Variants in BANP observed in about 807,000 individuals in gnomAD.
The protein encoded by BANP is protein BANP.
A neutral mutation model predicts 68.1 loss-of-function variants in BANP; 11 were observed. The ratio of observed to expected loss-of-function variants is 0.16; its 90% CI spans 0.10 to 0.27. The LOEUF (loss-of-function observed/expected upper bound fraction) is 0.27. Ranked by LOEUF, BANP falls within the 10% of genes least tolerant of loss-of-function variation. The pLI, the probability that BANP is intolerant of heterozygous loss-of-function variation, is 1.00. For missense variants in BANP, 504 were observed against 722.7 expected, an observed-to-expected ratio of 0.70 and a Z score of 3.47; for synonymous variants, 329 against 303.2, an observed-to-expected ratio of 1.09 and a Z score of -0.88.
At position 88,027,450 on chromosome 16, in the gene BANP, C is replaced by A. The variant is rs779222103; in HGVS notation, c.896-33C>A. ...GCTCCTGGTGGCTGTCCCGAACAGG[C>A]CTCACCGCTTCTCCTTGGATGTGTC... On this transcript the variant is annotated intron_variant, in intron 7 of 13. Transcript: ENST00000682872. 4 of 1,611,410 alleles carry A rather than the reference C, an allele frequency of 2.5e-6. No individual in the cohort carries two copies. In the East Asian group the frequency reaches 8.9e-5, roughly 36 times the overall value.
Position 88,071,592 on chromosome 16 carries a change from C to G in BANP, c.1378-477C>G, listed in dbSNP as rs1156403914. On this transcript the variant is annotated intron_variant, in intron 12 of 13. Coordinates refer to ENST00000682872, the MANE Select transcript of BANP (RefSeq NM_001386991.1). The surrounding 1 kb of genome is among the most constrained non-coding windows in gnomAD (Gnocchi z 6.5). Reference sequence around the variant, plus strand: ...CCCACCAGCAGCTCCTTTGCTCTCCCTGAGCCCTTGAGGTCACTCTGCCTT... The same window carrying G: ...CCCACCAGCAGCTCCTTTGCTCTCCGTGAGCCCTTGAGGTCACTCTGCCTT... 1 of 458,192 alleles carries G rather than the reference C, an allele frequency of 2.2e-6. No homozygotes were observed. Among genetic ancestry groups the G allele is most frequent in the African/African-American group, 2.0e-5 (1 of 50,144 alleles). 28.4% of individuals were successfully genotyped at this position (458,192 alleles called of 1,614,324 possible).
chr16:88,039,838 G>A (rs2080302306), intron 11 of BANP, among the ~76,000 whole-genome samples: 1 of 151,894 alleles, frequency 6.6e-6, no homozygotes, highest in African/African-American at 2.4e-5. Flanking sequence ...TGCCCCACGT[G>A]CCTTTGCACT....
chr16:88,058,331 A>G (rs56207753), intron 11 of BANP, among the ~76,000 whole-genome samples: 15,017 of 152,226 alleles, frequency 0.099, 1,393 homozygotes, highest in African/African-American at 0.25. Flanking sequence ...GGAGGACGGC[A>G]GGCAGGGCCG....
chr16:87,998,134 CCAAA>C (rs2067811148), intron 4 of BANP, among the ~76,000 whole-genome samples: 1 of 152,146 alleles, frequency 6.6e-6, no homozygotes, highest in Non-Finnish European at 1.5e-5. Flanking sequence ...CCTCCGTGTC[CCAAA>C]CAGTCTTCAC....
At chr16:88,019,005 C>T (rs2075250149) in intron 7 of BANP, among the ~76,000 whole-genome samples, 1 of 145,636 alleles carries the variant, frequency 6.9e-6, no homozygotes, top group Admixed American at 6.9e-5. Context: ...GCCTTCCCTG[C>T]TGTCCTGGCC....
chr16:88,039,194 C>T (rs1299159743), intron 11 of BANP, among the ~76,000 whole-genome samples: 3 of 152,082 alleles, frequency 2.0e-5, no homozygotes, highest in Non-Finnish European at 4.4e-5. Context: ...ACGAGGTTTT[C>T]TCAGGTAGTC....
At chr16:88,050,081 G>A (rs1423130237) in intron 11 of BANP, among the ~76,000 whole-genome samples, 1 of 152,152 alleles carries the variant, frequency 6.6e-6, no homozygotes, top group Non-Finnish European at 1.5e-5. Flanking sequence ...CTTGTCCTCC[G>A]GTCTTATTCC....
At chr16:88,029,555 G>C (rs1296894942) in intron 8 of BANP, among the ~76,000 whole-genome samples, 2 of 149,370 alleles carry the variant, frequency 1.3e-5, no homozygotes, top group African/African-American at 5.0e-5. Flanking sequence ...AGCTTGCAGT[G>C]AGCCGAGATC....
At chr16:88,050,153 G>A (rs8055890) in intron 11 of BANP, among the ~76,000 whole-genome samples, 1 of 151,938 alleles carries the variant, frequency 6.6e-6, no homozygotes, top group Admixed American at 6.5e-5. Flanking sequence ...ATGCTATCTA[G>A]CTAGCTAGCC....
At chr16:88,011,803 C>T (rs1181570522) in intron 6 of BANP, among the ~76,000 whole-genome samples, 2 of 146,258 alleles carry the variant, frequency 1.4e-5, no homozygotes, top group East Asian at 3.9e-4. Context: ...TTCAGGGTAC[C>T]CCCCCTCTTC....
intron 2 of BANP, 74 bp from the exon 3 acceptor site, chr16:87,980,962 T>G: frequency 9.8e-7 from 1 of 1,021,578 alleles, no homozygotes; most frequent in Non-Finnish European, 1.5e-6. Flanking sequence ...CAGCACTGTT[T>G]ACTATCTTAA....
chr16:87,954,427 C>T (rs1229454806), intron 1 of BANP, among the ~76,000 whole-genome samples: 1 of 152,202 alleles, frequency 6.6e-6, no homozygotes, highest in African/African-American at 2.4e-5. Context: ...ATGGCAAGTC[C>T]TCCATACTGA....
rs1176499259 is a variant in BANP, at chr16:88,019,604, A to AGGGCGGG, written c.895+938_895+939insGGCGGGG. Among the ~76,000 whole-genome samples the AGGGCGGG allele has an allele frequency of 5.5e-3, 97 of 17,588 alleles. 19 individuals carry two copies. The highest frequency in any genetic ancestry group is 0.045 in the African/African-American group (94 of 2,068). The allele number at this position is 17,588 out of a possible 152,430, so 11.5% of individuals were successfully genotyped here. A position where few individuals can be genotyped will look rare whatever the true frequency, so the allele number is the denominator to read the frequency against. ...CCGGGATCTCGGCGTGCGGGATCTC[A>AGGGCGGG]GCGTGCGGGGGGCGTCCGGGCGTGC... On this transcript the variant is annotated intron_variant, in intron 7 of 13. Coordinates refer to ENST00000682872, the MANE Select transcript of BANP (RefSeq NM_001386991.1).
chr16:88,020,121 C>G (rs1369581135), intron 7 of BANP, among the ~76,000 whole-genome samples: 6 of 152,156 alleles, frequency 3.9e-5, no homozygotes, highest in African/African-American at 1.2e-4. Flanking sequence ...TAAAGCAGGT[C>G]AAGAGGATCA....
chr16:88,047,559 G>A (rs541880263), intron 11 of BANP, among the ~76,000 whole-genome samples: 1 of 152,296 alleles, frequency 6.6e-6, no homozygotes, highest in East Asian at 1.9e-4. Context: ...TGGGATGGCT[G>A]TAGGTGGCAT....
intron 3 of BANP, among the ~76,000 whole-genome samples, chr16:87,981,475 A>G (rs2063264048): frequency 6.6e-6 from 1 of 152,166 alleles, no homozygotes; most frequent in African/African-American, 2.4e-5. Flanking sequence ...ACCCTAATCC[A>G]GGTTGATCTC....
Position 88,035,272 on chromosome 16 carries a change from C to T in BANP, c.1201-51C>T, listed in dbSNP as rs763200815. The T allele has an allele frequency of 3.4e-6, 5 of 1,478,280 alleles. No individual in the cohort carries two copies. In the Admixed American group the frequency reaches 9.6e-5, roughly 28 times the overall value. 91.6% of individuals were successfully genotyped at this position (1,478,280 alleles called of 1,614,324 possible). ...CATTCCGGAAGATGTTTCTTGTTTC[C>T]TTTGCTTTTGATTTTCTTCTGATGC... On this transcript the variant is annotated intron_variant, in intron 9 of 13. Coordinates refer to ENST00000682872, the MANE Select transcript of BANP (RefSeq NM_001386991.1).
intron 11 of BANP, among the ~76,000 whole-genome samples, chr16:88,045,702 C>T (rs1409288182): frequency 6.7e-6 from 1 of 149,870 alleles, no homozygotes. Context: ...CTTTCTTCTC[C>T]CTGAGGCCAC....
chr16:88,068,211 G>T (rs1032211187), intron 12 of BANP, among the ~76,000 whole-genome samples: 1 of 152,236 alleles, frequency 6.6e-6, no homozygotes, highest in African/African-American at 2.4e-5. Context: ...AGCTGGGGAT[G>T]GAGGAGGTGC....
Sources: allele counts gnomAD v4.1 joint callset (sites outside exome capture counted in the v4.1 genomes callset), GRCh38; gene constraint gnomAD v4.1.1; non-coding constraint Gnocchi (gnomAD v3.1); transcripts MANE v1.5; gene names NCBI Gene and HGNC (gene_info 2026-07-23, HGNC 2026-07-21).